FGGY: variants seen among roughly 807,000 people sequenced by gnomAD.
The protein encoded by FGGY is FGGY carbohydrate kinase domain containing, also known as FGGY carbohydrate kinase domain-containing protein.
FGGY carries 72 observed loss-of-function variants against 71.3 expected under a neutral mutation model. That is an observed-to-expected ratio of 1.01 (90% confidence interval 0.84 to 1.23). The LOEUF (loss-of-function observed/expected upper bound fraction) is 1.23. Among genes scored for constraint, FGGY ranks in the 50% most tolerant of loss-of-function variants. The probability of loss-of-function intolerance (pLI) is 0.00; values close to 1 mark genes in which losing one functional copy is unlikely to be tolerated. For missense variants in FGGY, 668 were observed against 682.3 expected (o/e 0.98, Z 0.23); for synonymous variants, 251 against 250.3 (o/e 1.00, Z -0.02).
At chr1:59,546,553 T>TA (rs1388697632) in intron 7 of FGGY, among the ~76,000 whole-genome samples, 1 of 150,030 alleles carries the variant, frequency 6.7e-6, no homozygotes, top group African/African-American at 2.4e-5. Flanking sequence ...TTATTATTAT[T>TA]TGAGACGGAG....
At chr1:59,499,304 T>TTTTTTTTTTG (rs2094149211) in intron 6 of FGGY, among the ~76,000 whole-genome samples, 1 of 144,630 alleles carries the variant, frequency 6.9e-6, no homozygotes, top group African/African-American at 2.6e-5. Flanking sequence ...TGTTTGTTTT[T>TTTTTTTTTTG]TTTTTTTTTT....
intron 6 of FGGY, among the ~76,000 whole-genome samples, chr1:59,462,502 A>G: frequency 6.6e-6 from 1 of 152,152 alleles, no homozygotes; most frequent in South Asian, 2.1e-4. Flanking sequence ...AAAAGAAACT[A>G]CCATCAGAGT....
At chr1:59,631,765 G>A (rs982785839) in intron 10 of FGGY, among the ~76,000 whole-genome samples, 6 of 152,212 alleles carry the variant, frequency 3.9e-5, no homozygotes, top group Non-Finnish European at 4.4e-5. Flanking sequence ...TCTCTGAAGA[G>A]AAGTGTTTTG....
intron 7 of FGGY, among the ~76,000 whole-genome samples, chr1:59,515,538 T>C (rs2094621967): frequency 6.6e-6 from 1 of 152,162 alleles, no homozygotes; most frequent in African/African-American, 2.4e-5. Flanking sequence ...ATGATTTGGC[T>C]GTGTCTCTAT....
At chr1:59,618,360 G>C (rs2096777139) in intron 9 of FGGY, among the ~76,000 whole-genome samples, 1 of 152,114 alleles carries the variant, frequency 6.6e-6, no homozygotes, top group Admixed American at 6.6e-5. Flanking sequence ...GAAGAAATAG[G>C]CTGAGAATGT....
chr1:59,570,424 A>T (rs1232584930), intron 8 of FGGY, among the ~76,000 whole-genome samples: 1 of 152,228 alleles, frequency 6.6e-6, no homozygotes, highest in Non-Finnish European at 1.5e-5. Context: ...TTCCTGCCAG[A>T]TTTGGAGCAC....
chr1:59,663,044 G>GC (rs76086710), intron 12 of FGGY, among the ~76,000 whole-genome samples: 151,025 of 152,316 alleles, frequency 0.99, 74,891 homozygotes, highest in Middle Eastern at 1. Context: ...GAAGGATGAG[G>GC]CAAACAGGAG....
At chr1:59,396,152 A>C (rs2061297930) in intron 5 of FGGY, among the ~76,000 whole-genome samples, 1 of 152,178 alleles carries the variant, frequency 6.6e-6, no homozygotes, top group Non-Finnish European at 1.5e-5. Context: ...CCTCCAGAAG[A>C]ATCTGATGGA....
At chr1:59,369,921 C>T (rs1161341833) in intron 4 of FGGY, among the ~76,000 whole-genome samples, 1 of 152,048 alleles carries the variant, frequency 6.6e-6, no homozygotes, top group Admixed American at 6.5e-5. Flanking sequence ...TGTATATCAC[C>T]ATCATCAAAG....
At chr1:59,485,673 G>A (rs2093636788) in intron 6 of FGGY, among the ~76,000 whole-genome samples, 1 of 152,150 alleles carries the variant, frequency 6.6e-6, no homozygotes, top group Non-Finnish European at 1.5e-5. Context: ...TGACTCATAA[G>A]GTTTGGGAAA....
chr1:59,647,418 A>G (rs866761489), intron 11 of FGGY, among the ~76,000 whole-genome samples: 12 of 152,220 alleles, frequency 7.9e-5, no homozygotes, highest in African/African-American at 2.9e-4. Flanking sequence ...GGCAGTGTCC[A>G]TCCATCATTT....
intron 7 of FGGY, among the ~76,000 whole-genome samples, chr1:59,532,695 A>C (rs1467767369): frequency 6.6e-6 from 1 of 152,174 alleles, no homozygotes; most frequent in Non-Finnish European, 1.5e-5. Flanking sequence ...AAAAAACATA[A>C]TGCAAATATC....
intron 6 of FGGY, among the ~76,000 whole-genome samples, chr1:59,505,401 A>G (rs2153616102): frequency 6.6e-6 from 1 of 152,278 alleles, no homozygotes; most frequent in African/African-American, 2.4e-5. Flanking sequence ...CCTAAACCAG[A>G]TTGTAGGTTC....
At chr1:59,721,459 C>T (rs2097895331) in intron 14 of FGGY, among the ~76,000 whole-genome samples, 1 of 150,930 alleles carries the variant, frequency 6.6e-6, no homozygotes, top group African/African-American at 2.4e-5. Context: ...CTGCCTCCGC[C>T]TCCCAAGCAA....
At chr1:59,557,006 A>G (rs988638512) in intron 8 of FGGY, among the ~76,000 whole-genome samples, 3 of 152,108 alleles carry the variant, frequency 2.0e-5, no homozygotes, top group African/African-American at 7.2e-5. Flanking sequence ...GGGATTAATC[A>G]TCAGCTTTAA....
intron 7 of FGGY, among the ~76,000 whole-genome samples, chr1:59,514,672 T>C (rs1214125536): frequency 6.6e-6 from 1 of 152,190 alleles, no homozygotes; most frequent in African/African-American, 2.4e-5. Context: ...TTTCCCATGC[T>C]ATTCTCGTGA....
chr1:59,719,258 CT>C (rs138228931), intron 14 of FGGY, among the ~76,000 whole-genome samples: 1,635 of 150,326 alleles, frequency 0.011, 37 homozygotes, highest in African/African-American at 0.038. Context: ...GTCAACAGAA[CT>C]TTTTTTTTTA....
intron 13 of FGGY, among the ~76,000 whole-genome samples, chr1:59,668,285 T>A (rs917546019): frequency 6.6e-6 from 1 of 152,124 alleles, no homozygotes; most frequent in Non-Finnish European, 1.5e-5. Flanking sequence ...GCCCCTCTAG[T>A]GTCTCCTGGG....
intron 7 of FGGY, among the ~76,000 whole-genome samples, chr1:59,540,068 A>G (rs1414249644): frequency 6.6e-6 from 1 of 152,244 alleles, no homozygotes; most frequent in East Asian, 1.9e-4. Flanking sequence ...ATACTATGAT[A>G]TCACTACACA....
Sources: allele counts gnomAD v4.1 joint callset (sites outside exome capture counted in the v4.1 genomes callset), GRCh38; gene constraint gnomAD v4.1.1; transcripts MANE v1.5; gene names NCBI Gene and HGNC (gene_info 2026-07-23, HGNC 2026-07-21).